MAMDC2: variants seen among roughly 807,000 people sequenced by gnomAD.
MAMDC2 encodes MAM domain-containing protein 2.
MAMDC2 carries 57 observed loss-of-function variants against 89.8 expected under a neutral mutation model. The observed-to-expected ratio is 0.63, with a 90% CI of 0.51 to 0.79. MAMDC2 has a LOEUF of 0.79. MAMDC2 is among the 30% of genes least tolerant of loss of function. The pLI is 0.00. For synonymous variants in MAMDC2, 313 were observed against 293.4 expected, an observed-to-expected ratio of 1.07 and a Z score of -0.68; for missense variants, 800 against 820.6, an observed-to-expected ratio of 0.97 and a Z score of 0.31.
intron 2 of MAMDC2, among the ~76,000 whole-genome samples, chr9:70,053,520 T>C (rs1369191364): frequency 2.6e-5 from 4 of 152,146 alleles, no homozygotes; most frequent in African/African-American, 9.7e-5. Flanking sequence ...CCTAGGCCAA[T>C]AGAGGACACA....
chr9:70,050,195 G>A (rs1417820309), intron 2 of MAMDC2, among the ~76,000 whole-genome samples: 1 of 152,164 alleles, frequency 6.6e-6, no homozygotes, highest in Non-Finnish European at 1.5e-5. Context: ...TCTTTCAGAT[G>A]TATAGGGATC....
intron 11 of MAMDC2, chr9:70,171,201 C>A (rs189032860): frequency 6.6e-6 from 1 of 152,602 alleles, no homozygotes; most frequent in African/African-American, 2.4e-5. Context: ...TTGTCAGGGA[C>A]AAAATATGTC....
At chr9:70,097,349 A>T (rs1367750306) in intron 2 of MAMDC2, among the ~76,000 whole-genome samples, 1 of 152,236 alleles carries the variant, frequency 6.6e-6, no homozygotes, top group Admixed American at 6.5e-5. Context: ...TAAGTATTGT[A>T]TAATAATGAC....
At chr9:70,057,131 G>A (rs1827041394) in intron 2 of MAMDC2, among the ~76,000 whole-genome samples, 1 of 152,132 alleles carries the variant, frequency 6.6e-6, no homozygotes, top group Admixed American at 6.5e-5. Flanking sequence ...TGGTTTGTGG[G>A]AAAATTGTCT....
intron 2 of MAMDC2, chr9:70,089,004 C>T (rs911504268): frequency 1.3e-5 from 2 of 152,130 alleles, no homozygotes; most frequent in Non-Finnish European, 2.9e-5. Flanking sequence ...TTTACACAAA[C>T]GTCTCTGTGA....
At chr9:70,087,695 G>C (rs1827801653) in intron 2 of MAMDC2, 1 of 152,168 alleles carries the variant, frequency 6.6e-6, no homozygotes, top group East Asian at 1.9e-4. Context: ...AATAAGGAAG[G>C]GCAGATTTTC....
At chr9:70,221,335 A>G (rs538246242) in intron 12 of MAMDC2, among the ~76,000 whole-genome samples, 18 of 129,088 alleles carry the variant, frequency 1.4e-4, no homozygotes, top group African/African-American at 5.2e-4. Flanking sequence ...GTCTCTAAAA[A>G]AAAAAGCAAG....
intron 5 of MAMDC2, among the ~76,000 whole-genome samples, chr9:70,114,935 T>A (rs989780493): frequency 6.6e-6 from 1 of 152,046 alleles, no homozygotes; most frequent in Non-Finnish European, 1.5e-5. Flanking sequence ...AAACTGTATT[T>A]CGGGGATGGG....
chr9:70,055,498 C>T (rs1040752303), intron 2 of MAMDC2, among the ~76,000 whole-genome samples: 1 of 152,140 alleles, frequency 6.6e-6, no homozygotes, highest in African/African-American at 2.4e-5. Context: ...CAGAGGTCAA[C>T]ACCAAGGAAG....
chr9:70,092,489 C>G (rs1359254335), intron 2 of MAMDC2: 1 of 152,152 alleles, frequency 6.6e-6, no homozygotes, highest in African/African-American at 2.4e-5. Flanking sequence ...ACGGAAGGAG[C>G]AGGAGTCAGT....
chr9:70,153,985 T>C (rs1337590428), intron 9 of MAMDC2: 1 of 152,206 alleles, frequency 6.6e-6, no homozygotes, highest in Non-Finnish European at 1.5e-5. Context: ...AGTGACATAT[T>C]AGAAACTCTC....
At chr9:70,219,828 A>G (rs1488779828) in intron 12 of MAMDC2, among the ~76,000 whole-genome samples, 1 of 152,232 alleles carries the variant, frequency 6.6e-6, no homozygotes, top group Non-Finnish European at 1.5e-5. Flanking sequence ...TTATTCAGAG[A>G]TGATGGATTA....
At chr9:70,124,355 GCCT>G (rs2118332653) in intron 5 of MAMDC2, among the ~76,000 whole-genome samples, 1 of 152,308 alleles carries the variant, frequency 6.6e-6, no homozygotes, top group Admixed American at 6.5e-5. Context: ...TAATCTGGCT[GCCT>G]CCTCTGAGAA....
intron 2 of MAMDC2, among the ~76,000 whole-genome samples, chr9:70,064,150 TAAGGACA>T (rs1827211955): frequency 6.6e-6 from 1 of 151,966 alleles, no homozygotes; most frequent in Admixed American, 6.6e-5. Context: ...TAAAACAATA[TAAGGACA>T]TATGAATTTT....
chr9:70,102,651 T>C (rs3015196), intron 2 of MAMDC2, among the ~76,000 whole-genome samples: 9,755 of 152,314 alleles, frequency 0.064, 993 homozygotes, highest in African/African-American at 0.21. Flanking sequence ...GTGGAGTCTG[T>C]ACTTTTTGGC....
At chr9:70,124,771 T>A (rs2030453516) in intron 5 of MAMDC2, among the ~76,000 whole-genome samples, 1 of 152,200 alleles carries the variant, frequency 6.6e-6, no homozygotes, top group Non-Finnish European at 1.5e-5. Context: ...AGTGGTGTGA[T>A]CATAGCTTAC....
chr9:70,181,203 T>C (rs1266295505), intron 11 of MAMDC2, among the ~76,000 whole-genome samples: 1 of 152,192 alleles, frequency 6.6e-6, no homozygotes, highest in Non-Finnish European at 1.5e-5. Context: ...TCTGTTCCAT[T>C]GGTCTATATG....
At chr9:70,105,636 A>G (rs1301361297) in intron 2 of MAMDC2, among the ~76,000 whole-genome samples, 1 of 152,236 alleles carries the variant, frequency 6.6e-6, no homozygotes, top group Non-Finnish European at 1.5e-5. Context: ...AGATGTCAAA[A>G]TCACTCAATG....
intron 11 of MAMDC2, among the ~76,000 whole-genome samples, chr9:70,189,100 A>G (rs1303061230): frequency 2.0e-5 from 3 of 152,190 alleles, no homozygotes; most frequent in Non-Finnish European, 2.9e-5. Flanking sequence ...GATAAGAGAA[A>G]TAAAAATATA....
Sources: gnomAD v4.1 joint callset for allele counts (sites outside exome capture counted in the v4.1 genomes callset) on GRCh38, gnomAD v4.1.1 for gene constraint, MANE v1.5 for transcripts, NCBI Gene and HGNC (gene_info 2026-07-23, HGNC 2026-07-21) for gene names.